The following RHOA variants were observed in gnomAD, a reference collection of about 807,000 sequenced individuals.
The protein encoded by RHOA is ras homolog family member A.
Under a neutral mutation model 17.5 loss-of-function variants are expected in RHOA, and 3 were observed. The ratio of observed to expected loss-of-function variants is 0.17; its 90% CI spans 0.08 to 0.44. The LOEUF (loss-of-function observed/expected upper bound fraction) is 0.44. RHOA is among the 20% of genes least tolerant of loss of function. The pLI is 0.99. For missense variants in RHOA, 56 were observed against 242.3 expected (o/e 0.23, Z 5.10); for synonymous variants, 98 against 88.4 (o/e 1.11, Z -0.61).
rs180812935 is a variant in RHOA, at chr3:49,371,737, C to G, written c.157-3189G>C. 4.9e-4 allele frequency among the ~76,000 whole-genome samples: 75 copies of G among 152,308 alleles called. 1 individual carries two copies. The East Asian group carries it at 0.013, about 27-fold the overall frequency. ...ACTCTCCTCAAGTGAGAACCTCCCC[C>G]TATCTTGCGAGGGTCAGTGATGTCC... On this transcript the variant is annotated intron_variant, in intron 2 of 4. Transcript: ENST00000418115.
intron 1 of RHOA, among the ~76,000 whole-genome samples, chr3:49,394,541 G>C (rs1361770203): frequency 6.6e-6 from 1 of 151,550 alleles, no homozygotes; most frequent in African/African-American, 2.4e-5. Context: ...AGTAGAGATG[G>C]GGTTTGACCA....
intron 1 of RHOA, among the ~76,000 whole-genome samples, chr3:49,404,078 C>T (rs2048771694): frequency 9.4e-6 from 1 of 106,636 alleles, no homozygotes; most frequent in African/African-American, 3.0e-5. Flanking sequence ...GGTGGGAGGA[C>T]TGTTTGAGCC....
At chr3:49,404,459 A>ACACACACACACACACACACACACAC (rs1466095718) in intron 1 of RHOA, among the ~76,000 whole-genome samples, 1 of 3,046 alleles carries the variant, frequency 3.3e-4, no homozygotes, top group African/African-American at 5.3e-4. Flanking sequence ...CACACACACA[A>ACACACACACACACACACACACACAC]AATTAGCCGG....
At position 49,360,099 on chromosome 3, in the gene RHOA, G is replaced by T; in HGVS notation, c.*110C>A. Reference sequence around the variant, plus strand: ...CTGGTAGCAAGATGACTTCTGATTTGTAATCTTAGGTAAATTATAGATAAA... The same window carrying T: ...CTGGTAGCAAGATGACTTCTGATTTTTAATCTTAGGTAAATTATAGATAAA... On this transcript the variant is annotated 3_prime_UTR_variant, in exon 5 of 5. Coordinates refer to ENST00000418115, the MANE Select transcript of RHOA (RefSeq NM_001664.4). The T allele has an allele frequency of 1.7e-6, 2 of 1,203,250 alleles. No homozygotes were observed. Among genetic ancestry groups the T allele is most frequent in the Non-Finnish European group, 2.3e-6 (2 of 861,650 alleles). The allele number at this position is 1,203,250 out of a possible 1,614,324, so 74.5% of individuals were successfully genotyped here.
At chr3:49,366,453 A>G (rs1254519339) in intron 3 of RHOA, 1 of 152,146 alleles carries the variant, frequency 6.6e-6, no homozygotes, top group Non-Finnish European at 1.5e-5. Context: ...AAATACAAAA[A>G]TCACCCAGGC....
chr3:49,382,180 G>A (rs1446859328), intron 1 of RHOA, among the ~76,000 whole-genome samples: 2 of 151,478 alleles, frequency 1.3e-5, no homozygotes, highest in Admixed American at 6.6e-5. Flanking sequence ...TTAGCCAGGC[G>A]TCGTGAAGGG....
chr3:49,361,722 A>C (rs2047974772), intron 4 of RHOA, among the ~76,000 whole-genome samples: 1 of 152,082 alleles, frequency 6.6e-6, no homozygotes, highest in African/African-American at 2.4e-5. Flanking sequence ...CTCTACTAAA[A>C]ATACAAAAAT....
At chr3:49,383,729 C>T (rs1366554056) in intron 1 of RHOA, among the ~76,000 whole-genome samples, 1 of 152,046 alleles carries the variant, frequency 6.6e-6, no homozygotes, top group Non-Finnish European at 1.5e-5. Context: ...AGGGAATTCA[C>T]GTTTAAAGAC....
chr3:49,392,305 C>T (rs2048524988), intron 1 of RHOA, among the ~76,000 whole-genome samples: 1 of 151,706 alleles, frequency 6.6e-6, no homozygotes, highest in South Asian at 2.1e-4. Context: ...TGGTGAGTGT[C>T]TGTAATCCCA....
At chr3:49,396,867 T>C (rs949514441) in intron 1 of RHOA, among the ~76,000 whole-genome samples, 4 of 151,400 alleles carry the variant, frequency 2.6e-5, no homozygotes, top group African/African-American at 9.7e-5. Context: ...TGGTGGCTCA[T>C]GCCTATAATC....
intron 1 of RHOA, among the ~76,000 whole-genome samples, chr3:49,388,403 G>A (rs968127383): frequency 4.6e-5 from 7 of 152,292 alleles, no homozygotes; most frequent in African/African-American, 1.7e-4. Context: ...GTGAAGGCCA[G>A]TCCTTTTCAC....
chr3:49,401,362 T>C (rs1465198119), intron 1 of RHOA, among the ~76,000 whole-genome samples: 1 of 151,720 alleles, frequency 6.6e-6, no homozygotes, highest in Non-Finnish European at 1.5e-5. Context: ...CTCAAAAAAA[T>C]ATGAAAACGG....
intron 1 of RHOA, among the ~76,000 whole-genome samples, chr3:49,393,466 T>G (rs545975236): frequency 4.6e-5 from 7 of 151,792 alleles, no homozygotes; most frequent in African/African-American, 1.7e-4. Flanking sequence ...ACCACCACGT[T>G]TGGCTAATTG....
At chr3:49,371,415 G>A (rs2048146069) in intron 2 of RHOA, among the ~76,000 whole-genome samples, 1 of 151,858 alleles carries the variant, frequency 6.6e-6, no homozygotes, top group Non-Finnish European at 1.5e-5. Context: ...AAGTAGCTGG[G>A]ATTACAAGTG....
At chr3:49,389,186 C>CA (rs373557763) in intron 1 of RHOA, among the ~76,000 whole-genome samples, 168 of 144,798 alleles carry the variant, frequency 1.2e-3, no homozygotes, top group African/African-American at 1.8e-3. Flanking sequence ...TACAAAAATA[C>CA]AAAAAAAAAA....
chr3:49,394,968 G>A (rs1006287843), intron 1 of RHOA, among the ~76,000 whole-genome samples: 1 of 152,050 alleles, frequency 6.6e-6, no homozygotes, highest in Non-Finnish European at 1.5e-5. Flanking sequence ...AGAATTTGGC[G>A]GTCGGGCGCG....
chr3:49,371,127 T>C (rs745947019), intron 2 of RHOA, among the ~76,000 whole-genome samples: 1 of 152,140 alleles, frequency 6.6e-6, no homozygotes, highest in Non-Finnish European at 1.5e-5. Flanking sequence ...TGTTTAGTCA[T>C]ATATCCAGCC....
intron 2 of RHOA, among the ~76,000 whole-genome samples, chr3:49,371,480 C>T (rs1332330323): frequency 6.6e-6 from 1 of 152,030 alleles, no homozygotes; most frequent in Non-Finnish European, 1.5e-5. Flanking sequence ...TGGGTTTTGC[C>T]ATGTTGGGCA....
intron 1 of RHOA, among the ~76,000 whole-genome samples, chr3:49,400,940 G>T (rs1309529848): frequency 8.0e-5 from 12 of 149,450 alleles, no homozygotes; most frequent in Admixed American, 3.4e-4. Context: ...CAGCTATTCG[G>T]GAGGCTGAGG....
Sources: allele counts gnomAD v4.1 joint callset (sites outside exome capture counted in the v4.1 genomes callset), GRCh38; gene constraint gnomAD v4.1.1; transcripts MANE v1.5; gene names NCBI Gene and HGNC (gene_info 2026-07-23, HGNC 2026-07-21).